Variants in MYO3A observed in about 807,000 individuals in gnomAD.
MYO3A encodes myosin-IIIa.
Under a neutral mutation model 192.7 loss-of-function variants are expected in MYO3A, and 180 were observed. The observed-to-expected ratio is 0.93, with a 90% CI of 0.83 to 1.06. MYO3A has a LOEUF of 1.06. MYO3A is among the 50% of genes least tolerant of loss of function. MYO3A has a pLI of 0.00. For missense variants in MYO3A, 1,896 were observed against 1,905.0 expected (o/e 1.00, Z 0.09); for synonymous variants, 628 against 645.3 (o/e 0.97, Z 0.41).
chr10:26,203,544 A>T (rs1237712549), intron 34 of MYO3A, among the ~76,000 whole-genome samples: 1 of 152,204 alleles, frequency 6.6e-6, no homozygotes, highest in East Asian at 1.9e-4. Context: ...CATTTGAGAG[A>T]AAGATTCATA....
intron 4 of MYO3A, among the ~76,000 whole-genome samples, chr10:25,958,125 T>C (rs1454999858): frequency 3.3e-5 from 5 of 152,088 alleles, no homozygotes; most frequent in Admixed American, 3.3e-4. Flanking sequence ...CTTTTGTTGG[T>C]ATTGCTTTTG....
Position 26,078,110 on chromosome 10 carries a change from T to G in MYO3A, c.1359+7709T>G, listed in dbSNP as rs573725884. Among the ~76,000 whole-genome samples, 20 of 150,450 alleles carry G rather than the reference T, an allele frequency of 1.3e-4. No individual in the cohort carries two copies. In the South Asian group the frequency reaches 4.2e-3, roughly 32 times the overall value. On this transcript the variant is annotated intron_variant, in intron 14 of 34. Coordinates refer to ENST00000642920, the MANE Select transcript of MYO3A (RefSeq NM_017433.5). ...TTTAATGTCTGGTAGAATTCTGCTG[T>G]GAATCCATCTGGTCCTGGACTTTTT...
At chr10:26,039,357 T>C in intron 10 of MYO3A, among the ~76,000 whole-genome samples, 1 of 151,774 alleles carries the variant, frequency 6.6e-6, no homozygotes. Context: ...TTGAATTTGG[T>C]TTGGTAGTAT....
chr10:26,137,477 T>A (rs533431859), intron 20 of MYO3A, among the ~76,000 whole-genome samples: 1 of 152,232 alleles, frequency 6.6e-6, no homozygotes, highest in Admixed American at 6.5e-5. Context: ...TCAGGACCAC[T>A]GTAATAATTG....
At chr10:25,967,377 C>G (rs924544316) in intron 4 of MYO3A, among the ~76,000 whole-genome samples, 5 of 152,254 alleles carry the variant, frequency 3.3e-5, no homozygotes, top group East Asian at 3.9e-4. Context: ...TTAATAGAGA[C>G]CCTCCAGAAA....
intron 4 of MYO3A, 85 bp downstream of exon 4, chr10:25,955,093 T>C (rs947845570): frequency 6.5e-7 from 1 of 1,542,026 alleles, no homozygotes; most frequent in Admixed American, 1.7e-5. Context: ...GTAACATTGA[T>C]ATCATAAAAA....
At chr10:26,063,540 C>T (rs74531871) in intron 10 of MYO3A, among the ~76,000 whole-genome samples, 1,730 of 152,126 alleles carry the variant, frequency 0.011, 37 homozygotes, top group African/African-American at 0.039. Flanking sequence ...TGTTCCAGCA[C>T]CATATGTTGA....
chr10:26,041,338 T>TTTGTTGTTGTTG (rs140583410), intron 10 of MYO3A, among the ~76,000 whole-genome samples: 4 of 151,664 alleles, frequency 2.6e-5, no homozygotes, highest in Non-Finnish European at 5.9e-5. Flanking sequence ...AGTTTGGGTT[T>TTTGTTGTTGTTG]TTGTTGTTGT....
intron 4 of MYO3A, among the ~76,000 whole-genome samples, chr10:25,969,434 A>T (rs1045130860): frequency 1.3e-5 from 2 of 152,184 alleles, no homozygotes; most frequent in Non-Finnish European, 2.9e-5. Context: ...AGGTCTTGGA[A>T]CATATAATCC....
At chr10:26,108,522 T>C (rs1837967572) in intron 17 of MYO3A, among the ~76,000 whole-genome samples, 1 of 152,242 alleles carries the variant, frequency 6.6e-6, no homozygotes, top group African/African-American at 2.4e-5. Context: ...TGCTATGAAA[T>C]TATTGAATCT....
intron 18 of MYO3A, among the ~76,000 whole-genome samples, chr10:26,121,059 C>T (rs527243755): frequency 1.3e-5 from 2 of 151,734 alleles, no homozygotes; most frequent in South Asian, 4.2e-4. Flanking sequence ...ATTTACATTT[C>T]GATATAAAAG....
chr10:26,199,994 A>G (rs978078503), intron 32 of MYO3A, among the ~76,000 whole-genome samples: 2 of 152,204 alleles, frequency 1.3e-5, no homozygotes, highest in African/African-American at 4.8e-5. Context: ...GCTAGTGGCC[A>G]CTGTTCCTAT....
At chr10:26,138,275 C>A (rs563848911) in intron 20 of MYO3A, among the ~76,000 whole-genome samples, 2 of 152,292 alleles carry the variant, frequency 1.3e-5, no homozygotes, top group Admixed American at 1.3e-4. Flanking sequence ...TATTTATCAG[C>A]CAGCTGACAC....
At chr10:25,948,649 A>T (rs1033178168) in intron 2 of MYO3A, among the ~76,000 whole-genome samples, 1 of 152,160 alleles carries the variant, frequency 6.6e-6, no homozygotes, top group African/African-American at 2.4e-5. Flanking sequence ...TTAAGTAATT[A>T]GTTGTTTACT....
intron 20 of MYO3A, among the ~76,000 whole-genome samples, chr10:26,141,880 C>A (rs150868326): frequency 8.5e-4 from 129 of 152,208 alleles, no homozygotes; most frequent in African/African-American, 3.0e-3. Flanking sequence ...CCTGGTGACA[C>A]CTTTGAAATG....
At chr10:25,997,482 T>C (rs994382728) in intron 6 of MYO3A, among the ~76,000 whole-genome samples, 3 of 152,228 alleles carry the variant, frequency 2.0e-5, no homozygotes, top group African/African-American at 7.2e-5. Context: ...ATAACACCAG[T>C]GTAGTAACAT....
Position 26,096,398 on chromosome 10 carries a change from A to G in MYO3A, c.1580A>G (p.His527Arg), listed in dbSNP as rs769196672. ...TTTTCCAGTGGAGAAAAAAATTTTCATATTTTTTACTACATTTATGCTGGT... is the reference window on the plus strand; with the variant it reads ...TTTTCCAGTGGAGAAAAAAATTTTCGTATTTTTTACTACATTTATGCTGGT... ...IHQAIGEKNF[H>R]IFYYIYAGLA... The change falls in exon 16 of 35, where the codon CAT becomes CGT. Residue 527 changes from histidine to arginine, a missense_variant. Transcript: ENST00000642920. The G allele has an allele frequency of 3.1e-6, 5 of 1,612,102 alleles. No homozygotes were observed. The highest frequency in any genetic ancestry group is 1.7e-5 in the Admixed American group (1 of 59,898).
At chr10:26,092,510 G>A (rs1192627446) in intron 15 of MYO3A, among the ~76,000 whole-genome samples, 2 of 152,146 alleles carry the variant, frequency 1.3e-5, no homozygotes, top group Non-Finnish European at 2.9e-5. Flanking sequence ...TTCTAAGTCT[G>A]ATTGTTGGCC....
At position 26,154,831 on chromosome 10, in the gene MYO3A, A is replaced by T; in HGVS notation, c.2793+8A>T. ...GTTGCATCATATTTTAGAGTAAGATATTAAACTATGATGTATTGTGCTTAG... is the reference window on the plus strand; with the variant it reads ...GTTGCATCATATTTTAGAGTAAGATTTTAAACTATGATGTATTGTGCTTAG... On this transcript the variant is annotated splice_region_variant and intron_variant, in intron 25 of 34. Transcript: ENST00000642920. 6.2e-7 allele frequency: 1 copy of T among 1,606,082 alleles called. No homozygotes were observed. The highest frequency in any genetic ancestry group is 2.2e-5 in the East Asian group (1 of 44,676).
Sources: gnomAD v4.1 joint callset for allele counts (sites outside exome capture counted in the v4.1 genomes callset) on GRCh38, gnomAD v4.1.1 for gene constraint, MANE v1.5 for transcripts, NCBI Gene and HGNC (gene_info 2026-07-23, HGNC 2026-07-21) for gene names.